The following MAP7 variants were observed in gnomAD, a reference collection of about 807,000 sequenced individuals.
MAP7 encodes ensconsin.
MAP7 carries 52 observed loss-of-function variants against 94.8 expected under a neutral mutation model. The ratio of observed to expected loss-of-function variants is 0.55; its 90% CI spans 0.44 to 0.69. The LOEUF is 0.69. MAP7 is among the 30% of genes least tolerant of loss of function. MAP7 has a pLI of 0.00. For synonymous variants in MAP7, 350 were observed against 357.0 expected (o/e 0.98, Z 0.22); for missense variants, 940 against 964.6 (o/e 0.97, Z 0.34).
intron 1 of MAP7, among the ~76,000 whole-genome samples, chr6:136,441,206 C>T (rs1228335542): frequency 6.6e-6 from 1 of 152,002 alleles, no homozygotes; most frequent in Admixed American, 6.6e-5. Context: ...AGATATATAC[C>T]CAGCAGCATA....
rs765235331 is a variant in MAP7 at position 136,362,653 on chromosome 6, C to T, written c.1323G>A (p.Ser441=). ...PAPASAPAPA[S]APAPAPVPTP... ...TGGGGACCGGGGCTGGAGCTGGGGC[C>T]GAGGCTGGAGCTGGGGCCGAGGCTG... The change falls in exon 11 of 18, where the codon TCG becomes TCA. Residue 441 remains serine (S), a synonymous_variant. Transcript: ENST00000354570. The T allele has an allele frequency of 1.0e-5, 16 of 1,606,408 alleles. No individual in the cohort carries two copies. The Admixed American group carries it at 1.7e-4, about 17-fold the overall frequency.
chr6:136,427,889 A>G (rs1582883150), intron 1 of MAP7, among the ~76,000 whole-genome samples: 1 of 152,226 alleles, frequency 6.6e-6, no homozygotes, highest in East Asian at 1.9e-4. Context: ...TGATTTCTCC[A>G]TCTCGTCATA....
chr6:136,346,986 T>C (rs1012414103), intron 16 of MAP7, among the ~76,000 whole-genome samples: 1 of 152,234 alleles, frequency 6.6e-6, no homozygotes, highest in Non-Finnish European at 1.5e-5. Context: ...CCCTTAAATC[T>C]GCCTCTGACC....
At chr6:136,477,873 A>C (rs999094499) in intron 1 of MAP7, among the ~76,000 whole-genome samples, 6 of 152,216 alleles carry the variant, frequency 3.9e-5, no homozygotes, top group Non-Finnish European at 7.3e-5. Context: ...TCCTCAGCAC[A>C]TGGATCATTC....
At chr6:136,485,748 G>C (rs909881176) in intron 1 of MAP7, among the ~76,000 whole-genome samples, 1 of 151,638 alleles carries the variant, frequency 6.6e-6, no homozygotes, top group Non-Finnish European at 1.5e-5. Context: ...ATTTTTAGTA[G>C]AGACGGGGTT....
intron 8 of MAP7, among the ~76,000 whole-genome samples, chr6:136,369,733 G>T (rs1408300830): frequency 1.3e-5 from 2 of 152,058 alleles, no homozygotes; most frequent in African/African-American, 4.8e-5. Context: ...GAATGAAGTT[G>T]GACTCTTACC....
chr6:136,362,694 C>A lies in MAP7; in HGVS notation c.1282G>T (p.Ala428Ser). The change falls in exon 11 of 18, where the codon GCC becomes TCC. Residue 428 changes from alanine to serine, a missense_variant. By Grantham distance (99) the Ala-to-Ser change is moderately conservative. Transcript: ENST00000354570. Reference sequence around the variant, plus strand: ...GCCGAGGCTGGAGCTGGGGCCATGGCTGGAGCAGCTGCACAAATAGGTACA... The same window carrying A: ...GCCGAGGCTGGAGCTGGGGCCATGGATGGAGCAGCTGCACAAATAGGTACA... ...AEPEVGPAAP[A>S]MAPAPASAPA... The A allele has an allele frequency of 6.3e-7, 1 of 1,589,650 alleles. No individual in the cohort carries two copies.
intron 1 of MAP7, among the ~76,000 whole-genome samples, chr6:136,484,833 T>A (rs1362307078): frequency 6.6e-6 from 1 of 152,100 alleles, no homozygotes; most frequent in African/African-American, 2.4e-5. Context: ...CCAGTTAGGA[T>A]TACAGACAAG....
In MAP7 at chr6:136,359,856, C is replaced by A. The variant is rs144653770; in HGVS notation, c.1876G>T (p.Gly626Cys). ...GTGAGAGCTCCCTTGGCTATATCAC[C>A]GTTTCTCTGATCACTGGTTTTCTAC... is the stretch of plus-strand genomic sequence containing the variant. ...TDKKTSDQRN[G>C]DIAKGALTGG... Residue 626 changes from glycine to cysteine, a missense_variant, in exon 15 of 18, where the codon GGT becomes TGT. Physicochemically the swap from Gly to Cys is radical, Grantham distance 159. Transcript: ENST00000354570. 5.8e-5 allele frequency: 94 copies of A among 1,613,294 alleles called. No individual in the cohort carries two copies. Among genetic ancestry groups the A allele is most frequent in the Non-Finnish European group, 7.0e-5 (83 of 1,179,934 alleles).
chr6:136,361,043 G>A lies in MAP7; in HGVS notation c.1663C>T (p.Leu555=), dbSNP rs369292479. The part of the protein sequence containing the change: ...QLQRQAEERA[L]REREEAERAQ... The stretch of plus-strand genomic sequence containing the variant: ...CGCTCTGCCTCCTCCCGCTCGCGCA[G>A]CGCCCGCTCCTCCGCCTGCCGCTGC... The change falls in exon 12 of 18, where the codon CTG becomes TTG. Residue 555 remains leucine, a synonymous_variant. Coordinates refer to ENST00000354570, the MANE Select transcript of MAP7 (RefSeq NM_003980.6). 6.1e-5 allele frequency: 96 copies of A among 1,585,432 alleles called. No homozygotes were observed. The highest frequency in any genetic ancestry group is 7.5e-5 in the Non-Finnish European group (88 of 1,171,846).
At chr6:136,397,544 C>A (rs865840112) in intron 3 of MAP7, among the ~76,000 whole-genome samples, 1 of 150,434 alleles carries the variant, frequency 6.6e-6, no homozygotes, top group South Asian at 2.2e-4. Context: ...GCCCTAACCC[C>A]CAAGGTAAAT....
At chr6:136,411,066 T>G (rs944552826) in intron 3 of MAP7, among the ~76,000 whole-genome samples, 4 of 152,234 alleles carry the variant, frequency 2.6e-5, no homozygotes, top group African/African-American at 9.6e-5. Flanking sequence ...GTACAATCTC[T>G]AAGTGCTCTA....
At chr6:136,454,339 C>A (rs183821314) in intron 1 of MAP7, among the ~76,000 whole-genome samples, 1 of 147,128 alleles carries the variant, frequency 6.8e-6, no homozygotes, top group South Asian at 2.2e-4. Context: ...CAGGGTCTTA[C>A]GCTGTCTCCC....
chr6:136,463,174 C>G (rs1356083787), intron 1 of MAP7, among the ~76,000 whole-genome samples: 1 of 151,882 alleles, frequency 6.6e-6, no homozygotes, highest in African/African-American at 2.4e-5. Flanking sequence ...AAAGGCATAC[C>G]ATATACACAA....
intron 16 of MAP7, among the ~76,000 whole-genome samples, chr6:136,355,632 G>T (rs973145136): frequency 6.6e-6 from 1 of 152,012 alleles, no homozygotes; most frequent in African/African-American, 2.4e-5. Flanking sequence ...TACTTATCCT[G>T]GCCAAAAGCC....
Position 136,358,802 on chromosome 6 carries a change from C to A in MAP7, c.1912+1018G>T, listed in dbSNP as rs1406759483. 7.2e-5 allele frequency among the ~76,000 whole-genome samples: 11 copies of A among 152,302 alleles called. No individual in the cohort carries two copies. The East Asian group carries it at 1.7e-3, about 24-fold the overall frequency. On this transcript the variant is annotated intron_variant, in intron 15 of 17. Transcript: ENST00000354570. ...CAATGATGAGCTATCTACTAACCAC[C>A]TGCATGTACAATCATGAAGACCACG...
At chr6:136,418,321 TCTC>T (rs1341356929) in intron 2 of MAP7, among the ~76,000 whole-genome samples, 1 of 152,198 alleles carries the variant, frequency 6.6e-6, no homozygotes, top group East Asian at 1.9e-4. Context: ...TTCAAGTGAT[TCTC>T]CTGCCTCAGC....
intron 1 of MAP7, among the ~76,000 whole-genome samples, chr6:136,501,462 A>G (rs1400599442): frequency 1.3e-5 from 2 of 152,200 alleles, no homozygotes; most frequent in Non-Finnish European, 2.9e-5. Context: ...CTCCCTTAAG[A>G]GAACACCCTC....
At chr6:136,447,162 C>A (rs947364121) in intron 1 of MAP7, among the ~76,000 whole-genome samples, 16 of 152,110 alleles carry the variant, frequency 1.1e-4, no homozygotes, top group Non-Finnish European at 2.1e-4. Context: ...AAACTCATCA[C>A]CCCCCCGAAA....
Sources: allele counts gnomAD v4.1 joint callset (sites outside exome capture counted in the v4.1 genomes callset), GRCh38; gene constraint gnomAD v4.1.1; transcripts MANE v1.5; gene names NCBI Gene and HGNC (gene_info 2026-07-23, HGNC 2026-07-21).